Variants in VPS16 observed in about 807,000 individuals in gnomAD.
VPS16 encodes the protein vacuolar protein sorting-associated protein 16 homolog.
A neutral mutation model predicts 116.0 loss-of-function variants in VPS16; 82 were observed. That is an observed-to-expected ratio of 0.71 (90% CI 0.59 to 0.85). The LOEUF (loss-of-function observed/expected upper bound fraction) is 0.85, where lower values mean the gene tolerates loss of function less well. VPS16 is among the 40% of genes least tolerant of loss of function. The pLI is 0.00. For missense variants in VPS16, 928 were observed against 1,090.6 expected, an observed-to-expected ratio of 0.85 and a Z score of 2.10; for synonymous variants, 406 against 420.7, an observed-to-expected ratio of 0.96 and a Z score of 0.43.
Position 2,865,579 on chromosome 20 carries a change from G to C in VPS16, c.2271+84G>C. On this transcript the variant is annotated intron_variant, in intron 22 of 23. Coordinates refer to ENST00000380445, the MANE Select transcript of VPS16 (RefSeq NM_022575.4). The surrounding 1 kb of genome is among the most constrained non-coding windows in gnomAD (Gnocchi z 5.2). ...GCTAGGCAGGGAGACAGATAGGATG[G>C]CCCGTTCATGCTCCTGTTCAGCTGC... 2 of 1,245,626 alleles carry C rather than the reference G, an allele frequency of 1.6e-6. No individual in the cohort carries two copies. Among genetic ancestry groups the C allele is most frequent in the Non-Finnish European group, 2.3e-6 (2 of 886,476 alleles). The allele number at this position is 1,245,626 out of a possible 1,614,324, so 77.2% of individuals were successfully genotyped here. A position where few individuals can be genotyped will look rare whatever the true frequency, so the allele number is the denominator to read the frequency against.
chr20:2,865,534 G>T lies in VPS16; in HGVS notation c.2271+39G>T. ...CTCCCTCCAGCCCACTTCCAGTGAG[G>T]GTAGTCTTCGGGAGAGAGGGCTAGG... On this transcript the variant is annotated intron_variant, in intron 22 of 23. Transcript: ENST00000380445. The surrounding 1 kb of genome is among the most constrained non-coding windows in gnomAD (Gnocchi z 5.2). The T allele has an allele frequency of 6.3e-7, 1 of 1,586,048 alleles. No individual in the cohort carries two copies. The highest frequency in any genetic ancestry group is 8.6e-7 in the Non-Finnish European group (1 of 1,160,228).
chr20:2,844,854 G>A (rs946570821), intron 1 of VPS16, among the ~76,000 whole-genome samples: 4 of 152,188 alleles, frequency 2.6e-5, no homozygotes, highest in African/African-American at 9.6e-5. Context: ...CTGGAGTGCT[G>A]TAGGCAACAA....
intron 1 of VPS16, among the ~76,000 whole-genome samples, 188 bp from the exon 2 acceptor site, chr20:2,859,531 G>T (rs1045205918): frequency 6.6e-6 from 1 of 152,156 alleles, no homozygotes; most frequent in African/African-American, 2.4e-5. Flanking sequence ...GCTGTCCCTA[G>T]ACATGCATGT....
At chr20:2,854,266 A>ACACACACACACACACAC (rs1568624871) in intron 1 of VPS16, among the ~76,000 whole-genome samples, 1 of 61,970 alleles carries the variant, frequency 1.6e-5, no homozygotes, top group African/African-American at 1.6e-4. Context: ...CACACACACA[A>ACACACACACACACACAC]ATTTTTTAGC....
In VPS16 at chr20:2,863,282, T is replaced by C. The variant is rs1263843399; in HGVS notation, c.1368-8T>C. Reference sequence around the variant, plus strand: ...CTCCTTGTATCCTTTACCCACCGGGTCTACCAGGCTCGTGTTGCGGAGACT... The same window carrying C: ...CTCCTTGTATCCTTTACCCACCGGGCCTACCAGGCTCGTGTTGCGGAGACT... On this transcript the variant is annotated splice_region_variant and splice_polypyrimidine_tract_variant and intron_variant, in intron 14 of 23. Transcript: ENST00000380445. The surrounding 1 kb of genome is among the most constrained non-coding windows in gnomAD (Gnocchi z 4.4). 2 of 1,614,004 alleles carry C rather than the reference T, an allele frequency of 1.2e-6. No individual in the cohort carries two copies. The highest frequency in any genetic ancestry group is 2.7e-5 in the African/African-American group (2 of 74,890).
In VPS16 at chr20:2,864,371, C is replaced by T. The variant is rs1026850491; in HGVS notation, c.1727C>T (p.Thr576Met). Residue 576 changes from threonine to methionine, a missense_variant, in exon 18 of 24, where the codon ACG (threonine) becomes ATG (methionine). By Grantham distance (81) the Thr-to-Met change is moderately conservative. Transcript: ENST00000380445. The surrounding 1 kb of genome is among the most constrained non-coding windows in gnomAD (Gnocchi z 5.2). The stretch of plus-strand genomic sequence containing the variant: ...CCACCTTACTCTCCTGCAGTGTTCA[C>T]GGTGTTGCTGCACCTGAAGAACGAG... ...IESGDTDLVFTVLLHLKNELN... is the reference protein window; with the variant it reads ...IESGDTDLVFMVLLHLKNELN... 9.9e-6 allele frequency: 16 copies of T among 1,614,028 alleles called. No individual in the cohort carries two copies. The highest frequency in any genetic ancestry group is 1.6e-4 in the Middle Eastern group (1 of 6,084).
chr20:2,850,326 AAAAAC>A (rs146507715), intron 1 of VPS16, among the ~76,000 whole-genome samples: 3,999 of 151,986 alleles, frequency 0.026, 177 homozygotes, highest in African/African-American at 0.089. Context: ...CTCTGTCTCA[AAAAAC>A]AAAACAAAAC....
rs1273142919 is a variant in VPS16 at position 2,851,207 on chromosome 20, A to G, written c.54-8512A>G. Among the ~76,000 whole-genome samples, 3 of 152,176 alleles carry G rather than the reference A, an allele frequency of 2.0e-5. No homozygotes were observed. The East Asian group carries it at 5.8e-4, about 29-fold the overall frequency. On this transcript the variant is annotated intron_variant, in intron 1 of 23. Coordinates refer to ENST00000380445, the MANE Select transcript of VPS16 (RefSeq NM_022575.4). ...CAAGAAGCAACCCTCTGAGGCCACAAGGGATGTAAAGACGTAGGCAAGCTG... is the reference window on the plus strand; with the variant it reads ...CAAGAAGCAACCCTCTGAGGCCACAGGGGATGTAAAGACGTAGGCAAGCTG...
rs2089348757 is a variant in VPS16, at chr20:2,866,470, A to G, written c.2416A>G (p.Asn806Asp). 6.2e-7 allele frequency: 1 copy of G among 1,614,062 alleles called. No individual in the cohort carries two copies. Among genetic ancestry groups the G allele is most frequent in the South Asian group, 1.1e-5 (1 of 91,088 alleles). Reference protein sequence around the residue: ...QAADVAIEHRNEAELSLVLSH... With the variant: ...QAADVAIEHRDEAELSLVLSH... ...TGCAGATGTGGCCATCGAACACCGG[A>G]ATGAGGCTGAGCTGAGCCTCGTATT... is the stretch of plus-strand genomic sequence containing the variant. Residue 806 changes from asparagine (N) to aspartate (D), a missense_variant, in exon 24 of 24, where the codon AAT (asparagine) becomes GAT (aspartate). Coordinates refer to ENST00000380445, the MANE Select transcript of VPS16 (RefSeq NM_022575.4).
chr20:2,858,007 A>C (rs1568626103), intron 1 of VPS16, among the ~76,000 whole-genome samples: 1 of 152,154 alleles, frequency 6.6e-6, no homozygotes, highest in African/African-American at 2.4e-5. Context: ...TATGGTATGA[A>C]AATTTCTTGG....
Position 2,860,863 on chromosome 20 carries a change from G to A in VPS16, c.630G>A (p.Val210=). Residue 210 remains valine, a splice_region_variant and synonymous_variant, in exon 6 of 24, where the codon GTG becomes GTA. Transcript: ENST00000380445. This position sits in a 1 kb window ranked among gnomAD's most constrained non-coding sequence, Gnocchi z 6.1. ...YLLDHAACSA[V]TPPGLAPGVS... Reference sequence around the variant, plus strand: ...TGGACCATGCAGCCTGCTCCGCAGTGGTAAGGGCCCTGAGTGGGAATGAAG... The same window carrying A: ...TGGACCATGCAGCCTGCTCCGCAGTAGTAAGGGCCCTGAGTGGGAATGAAG... 6.2e-7 allele frequency: 1 copy of A among 1,614,082 alleles called. No individual in the cohort carries two copies. Among genetic ancestry groups the A allele is most frequent in the East Asian group, 2.2e-5 (1 of 44,878 alleles).
chr20:2,847,472 G>C (rs999892315), intron 1 of VPS16, among the ~76,000 whole-genome samples: 1 of 127,064 alleles, frequency 7.9e-6, no homozygotes, highest in African/African-American at 3.3e-5. Context: ...AAATCAAACC[G>C]CCCCCTCTAT....
At chr20:2,844,922 G>C (rs899322885) in intron 1 of VPS16, among the ~76,000 whole-genome samples, 1 of 151,994 alleles carries the variant, frequency 6.6e-6, no homozygotes, top group Non-Finnish European at 1.5e-5. Flanking sequence ...CTGCAGGGAC[G>C]TGTAGATCAC....
Position 2,860,094 on chromosome 20 carries a change from T to C in VPS16, c.183T>C (p.Ser61=). The part of the protein sequence containing the change: ...RNPWRKEKAA[S]VRPVLDIYSA... ...CCTGGCGGAAGGAGAAAGCTGCTAG[T>C]GTGAGGCCAGTGCTCGATATATACT... The change falls in exon 3 of 24, where the codon AGT becomes AGC. Residue 61 remains serine, a synonymous_variant. Transcript: ENST00000380445. This position sits in a 1 kb window ranked among gnomAD's most constrained non-coding sequence, Gnocchi z 6.1. 3.7e-6 allele frequency: 6 copies of C among 1,614,034 alleles called. No individual in the cohort carries two copies. Among genetic ancestry groups the C allele is most frequent in the Non-Finnish European group, 5.1e-6 (6 of 1,180,002 alleles).
At chr20:2,845,007 G>GGTGTGTGTGTGT (rs375923174) in intron 1 of VPS16, among the ~76,000 whole-genome samples, 42 of 144,112 alleles carry the variant, frequency 2.9e-4, no homozygotes, top group East Asian at 1.4e-3. Context: ...ATTTGCAAGG[G>GGTGTGTGTGTGT]GTGTGTGTGT....
chr20:2,861,864 C>G lies in VPS16; in HGVS notation c.959C>G (p.Ser320Cys), dbSNP rs765554843. The stretch of plus-strand genomic sequence containing the variant: ...GAGCTCGATGGGGTCCGCATCTTCT[C>G]CCGCAGCACCCACGAGTTCCTGCAT... ...VPELDGVRIF[S>C]RSTHEFLHEV... Residue 320 changes from serine (S) to cysteine (C), a missense_variant, in exon 10 of 24, where the codon TCC becomes TGC. Ser to Cys is a moderately radical substitution (Grantham distance 112). Coordinates refer to ENST00000380445, the MANE Select transcript of VPS16 (RefSeq NM_022575.4). The G allele has an allele frequency of 1.2e-6, 2 of 1,613,750 alleles. No individual in the cohort carries two copies. Among genetic ancestry groups the G allele is most frequent in the African/African-American group, 1.3e-5 (1 of 74,930 alleles).
rs746006008 is a variant in VPS16, at chr20:2,863,360, G to A, written c.1438G>A (p.Gly480Ser). ...CEYLRLPEVQ[G>S]VSRILAHWAC... Reference sequence around the variant, plus strand: ...GTACTTGCGCCTTCCTGAAGTACAGGGCGTCAGCAGGATCCTGGCCCACTG... The same window carrying A: ...GTACTTGCGCCTTCCTGAAGTACAGAGCGTCAGCAGGATCCTGGCCCACTG... The change falls in exon 15 of 24, where the codon GGC becomes AGC. Residue 480 changes from glycine (G) to serine (S), a missense_variant. Transcript: ENST00000380445. This position sits in a 1 kb window ranked among gnomAD's most constrained non-coding sequence, Gnocchi z 4.4. The A allele has an allele frequency of 3.0e-5, 49 of 1,614,092 alleles. No individual in the cohort carries two copies. The highest frequency in any genetic ancestry group is 5.0e-5 in the Admixed American group (3 of 60,000).
At chr20:2,844,227 A>G (rs2089036797) in intron 1 of VPS16, among the ~76,000 whole-genome samples, 1 of 152,248 alleles carries the variant, frequency 6.6e-6, no homozygotes, top group Non-Finnish European at 1.5e-5. Context: ...AGTTTTGTTC[A>G]TATGTGTGCA....
At chr20:2,852,435 T>C (rs1159095695) in intron 1 of VPS16, among the ~76,000 whole-genome samples, 1 of 152,206 alleles carries the variant, frequency 6.6e-6, no homozygotes, top group Non-Finnish European at 1.5e-5. Context: ...TAGATTTGTA[T>C]GAATATCTAT....
Sources: gnomAD v4.1 joint callset for allele counts (sites outside exome capture counted in the v4.1 genomes callset) on GRCh38, gnomAD v4.1.1 for gene constraint, Gnocchi (gnomAD v3.1) non-coding constraint, MANE v1.5 for transcripts, NCBI Gene and HGNC (gene_info 2026-07-23, HGNC 2026-07-21) for gene names.